Variants in ABI3BP observed in about 807,000 individuals in gnomAD.
ABI3BP encodes the protein target of Nesh-SH3.
A neutral mutation model predicts 268.6 loss-of-function variants in ABI3BP; 216 were observed. The observed-to-expected ratio is 0.80, with a 90% confidence interval of 0.72 to 0.90. The LOEUF (loss-of-function observed/expected upper bound fraction) is 0.90, where lower values mean the gene tolerates loss of function less well. Among genes scored for constraint, ABI3BP ranks in the 40% least tolerant of loss-of-function variants. The pLI is 0.00. For missense variants in ABI3BP, 2,090 were observed against 2,182.4 expected (o/e 0.96, Z 0.84); for synonymous variants, 730 against 730.0 (o/e 1.00, Z 0.00).
At chr3:100,968,744 G>A (rs2082300315) in intron 1 of ABI3BP, among the ~76,000 whole-genome samples, 1 of 152,002 alleles carries the variant, frequency 6.6e-6, no homozygotes, top group African/African-American at 2.4e-5. Flanking sequence ...GAACGTGCGG[G>A]TTTGTTACAT....
chr3:100,799,844 A>G (rs2097471590), intron 51 of ABI3BP, among the ~76,000 whole-genome samples: 1 of 152,152 alleles, frequency 6.6e-6, no homozygotes, highest in South Asian at 2.1e-4. Flanking sequence ...ACAGCTCCTA[A>G]ATCTCTGCCC....
intron 9 of ABI3BP, 42 bp from the exon 10 acceptor site, chr3:100,866,998 T>A (rs2099056952): frequency 1.3e-6 from 2 of 1,501,308 alleles, no homozygotes; most frequent in Non-Finnish European, 1.9e-6. Context: ...ACTTGCAGTG[T>A]CCAAAAATAC....
rs143598056 is a variant in ABI3BP, at chr3:100,895,204, A to G, written c.461+3558T>C. Among the ~76,000 whole-genome samples, 640 of 152,178 alleles carry G rather than the reference A, an allele frequency of 4.2e-3. 3 individuals carry two copies. Among genetic ancestry groups the G allele is most frequent in the African/African-American group, 0.014 (593 of 41,542 alleles). On this transcript the variant is annotated intron_variant, in intron 4 of 67. Coordinates refer to ENST00000471714, the MANE Select transcript of ABI3BP (RefSeq NM_001375547.2). Reference sequence around the variant, plus strand: ...AAGCTTTCTTTCAAATTGAGGCTCTATTGAAGACAAATGGGTACACTCTTC... The same window carrying G: ...AAGCTTTCTTTCAAATTGAGGCTCTGTTGAAGACAAATGGGTACACTCTTC...
chr3:100,804,602 A>G (rs1296642534), intron 51 of ABI3BP, among the ~76,000 whole-genome samples, 190 bp downstream of exon 51: 1 of 152,152 alleles, frequency 6.6e-6, no homozygotes, highest in Non-Finnish European at 1.5e-5. Context: ...TTTGACTGTG[A>G]TCACAGCTTT....
chr3:100,870,914 T>C (rs530997575), intron 9 of ABI3BP, among the ~76,000 whole-genome samples: 2 of 152,326 alleles, frequency 1.3e-5, no homozygotes, highest in African/African-American at 2.4e-5. Flanking sequence ...GAGGATATTA[T>C]GCTAAATGAT....
At chr3:100,851,725 G>A (rs2153044770) in intron 15 of ABI3BP, 150 bp downstream of exon 15, 1 of 627,886 alleles carries the variant, frequency 1.6e-6, no homozygotes, top group East Asian at 2.8e-5. Flanking sequence ...TGGGAGGAGT[G>A]GGTAAAACAC....
At chr3:100,879,409 A>G (rs889503461) in intron 6 of ABI3BP, among the ~76,000 whole-genome samples, 1 of 152,206 alleles carries the variant, frequency 6.6e-6, no homozygotes, top group Non-Finnish European at 1.5e-5. Context: ...CTTAGTGCAC[A>G]TTTTGTACTT....
intron 62 of ABI3BP, 66 bp downstream of exon 62, chr3:100,770,677 C>G: frequency 7.3e-7 from 1 of 1,362,652 alleles, no homozygotes; most frequent in Non-Finnish European, 9.6e-7. Context: ...ACCCAGGGTA[C>G]CCCACTCCCA....
At position 100,911,326 on chromosome 3, in the gene ABI3BP, G is replaced by A; in HGVS notation, c.260-8640C>T. The A allele has an allele frequency of 7.2e-6, 2 of 279,196 alleles. 1 individual carries two copies. Among genetic ancestry groups the A allele is most frequent in the South Asian group, 1.2e-4 (2 of 16,718 alleles). 17.3% of individuals were successfully genotyped at this position (279,196 alleles called of 1,614,324 possible). A position where few individuals can be genotyped will look rare whatever the true frequency, so the allele number is the denominator to read the frequency against. On this transcript the variant is annotated intron_variant, in intron 2 of 67. Coordinates refer to ENST00000471714, the MANE Select transcript of ABI3BP (RefSeq NM_001375547.2). ...ACACGAATGAAGAAATTCAGAATCTGGATAAAAGGTCCATAATGCTTGACC... is the reference window on the plus strand; with the variant it reads ...ACACGAATGAAGAAATTCAGAATCTAGATAAAAGGTCCATAATGCTTGACC...
chr3:100,833,229 C>T (rs2098522019), intron 29 of ABI3BP, 72 bp from the exon 30 acceptor site: 13 of 1,403,882 alleles, frequency 9.3e-6, no homozygotes, highest in Non-Finnish European at 1.1e-5. Flanking sequence ...AGCCATCATT[C>T]TCTTGAAAAG....
Position 100,789,349 on chromosome 3 carries a change from C to T in ABI3BP, c.4087+105G>A, listed in dbSNP as rs1398799908. 9.6e-6 allele frequency: 10 copies of T among 1,044,530 alleles called. No homozygotes were observed. The Admixed American group carries it at 2.1e-4, about 22-fold the overall frequency. 64.7% of individuals were successfully genotyped at this position (1,044,530 alleles called of 1,614,324 possible). On this transcript the variant is annotated intron_variant, in intron 56 of 67. Coordinates refer to ENST00000471714, the MANE Select transcript of ABI3BP (RefSeq NM_001375547.2). The stretch of plus-strand genomic sequence containing the variant: ...CACAGATCAGAGTCTCTGTACATCT[C>T]TTATTGCAATGTAAGGGTTCCCCTT...
intron 1 of ABI3BP, among the ~76,000 whole-genome samples, chr3:100,972,504 T>A (rs910524710): frequency 1.3e-5 from 2 of 152,236 alleles, no homozygotes; most frequent in Non-Finnish European, 2.9e-5. Context: ...CTTAAGGCTC[T>A]CATCAAGATG....
At chr3:100,769,630 T>C (rs1316862332) in intron 62 of ABI3BP, among the ~76,000 whole-genome samples, 1 of 152,224 alleles carries the variant, frequency 6.6e-6, no homozygotes, top group Non-Finnish European at 1.5e-5. Context: ...AACTCCTTAC[T>C]AGCACAGTAT....
intron 18 of ABI3BP, among the ~76,000 whole-genome samples, chr3:100,848,232 A>AC (rs201234841): frequency 0.045 from 6,788 of 152,298 alleles, 195 homozygotes; most frequent in Non-Finnish European, 0.052. Context: ...TACCAAAAAA[A>AC]ATAGAAACAT....
At position 100,869,106 on chromosome 3, in the gene ABI3BP, C is replaced by G. The variant is rs181799600; in HGVS notation, c.911-2150G>C. On this transcript the variant is annotated intron_variant, in intron 9 of 67. Transcript: ENST00000471714. ...AGTGAGTCCCTGGCTGACCTAGGAC[C>G]TCTTATTATTTATTTGTTTAATCGT... is the stretch of plus-strand genomic sequence containing the variant. 9.7e-4 allele frequency among the ~76,000 whole-genome samples: 148 copies of G among 152,018 alleles called. 1 individual carries two copies. Among genetic ancestry groups the G allele is most frequent in the Admixed American group, 3.3e-3 (50 of 15,260 alleles).
Position 100,862,909 on chromosome 3 carries a change from G to T in ABI3BP, c.1139C>A (p.Ala380Asp). 1.3e-6 allele frequency: 2 copies of T among 1,534,978 alleles called. No homozygotes were observed. The highest frequency in any genetic ancestry group is 1.7e-6 in the Non-Finnish European group (2 of 1,146,064). Residue 380 changes from alanine to aspartate, a missense_variant and splice_region_variant, in exon 13 of 68, where the codon GCT (alanine) becomes GAT (aspartate). Physicochemically the swap from Ala to Asp is moderately radical, Grantham distance 126. Coordinates refer to ENST00000471714, the MANE Select transcript of ABI3BP (RefSeq NM_001375547.2). The stretch of plus-strand genomic sequence containing the variant: ...AGGAAATTCTGGAAGGCTTTTTGGA[G>T]CTGTAATGAAACACATAAAGAAAGT... ...PQFELPLSTL[A>D]PKSLPEFPEA...
At chr3:100,835,067 C>A (rs1033483062) in intron 28 of ABI3BP, among the ~76,000 whole-genome samples, 1 of 152,132 alleles carries the variant, frequency 6.6e-6, no homozygotes, top group African/African-American at 2.4e-5. Flanking sequence ...GACATAGGCA[C>A]GTAGACATCA....
chr3:100,820,917 G>A (rs1433009802), intron 39 of ABI3BP, 137 bp downstream of exon 39: 3 of 779,050 alleles, frequency 3.9e-6, no homozygotes, highest in Non-Finnish European at 6.1e-6. Context: ...AATACTTTTA[G>A]GATGAAGAAT....
chr3:100,930,711 C>T (rs2063325198), intron 1 of ABI3BP: 1 of 151,896 alleles, frequency 6.6e-6, no homozygotes, highest in South Asian at 2.1e-4. Flanking sequence ...AAAAAGCCTA[C>T]CAACCTGAAA....
Sources: allele counts gnomAD v4.1 joint callset (sites outside exome capture counted in the v4.1 genomes callset), GRCh38; gene constraint gnomAD v4.1.1; transcripts MANE v1.5; gene names NCBI Gene and HGNC (gene_info 2026-07-23, HGNC 2026-07-21).